Variants in PARD3B observed in about 807,000 individuals in gnomAD.
PARD3B encodes the protein partitioning defective 3 homolog B.
PARD3B carries 103 observed loss-of-function variants against 130.2 expected under a neutral mutation model. The observed-to-expected ratio is 0.79, with a 90% CI of 0.67 to 0.93. The LOEUF (loss-of-function observed/expected upper bound fraction) is 0.93, where lower values mean the gene tolerates loss of function less well. PARD3B is among the 40% of genes least tolerant of loss of function. PARD3B has a pLI of 0.00. For synonymous variants in PARD3B, 583 were observed against 553.2 expected, an observed-to-expected ratio of 1.05 and a Z score of -0.76; for missense variants, 1,609 against 1,499.2, an observed-to-expected ratio of 1.07 and a Z score of -1.21.
At chr2:204,815,636 A>G (rs2043117786) in intron 2 of PARD3B, among the ~76,000 whole-genome samples, 1 of 151,770 alleles carries the variant, frequency 6.6e-6, no homozygotes, top group African/African-American at 2.4e-5. Flanking sequence ...CTCTTATCTA[A>G]TATAGGCATT....
chr2:204,702,890 T>G (rs2037961782), intron 2 of PARD3B, among the ~76,000 whole-genome samples: 3 of 152,002 alleles, frequency 2.0e-5, no homozygotes, highest in South Asian at 2.1e-4. Flanking sequence ...GAGTTATTTG[T>G]TTTTTTTCTT....
In PARD3B at chr2:205,466,453, A is replaced by T. The variant is rs62171550; in HGVS notation, c.3044+25781A>T. Among the ~76,000 whole-genome samples, 142 of 152,144 alleles carry T rather than the reference A, an allele frequency of 9.3e-4. 1 individual carries two copies. The highest frequency in any genetic ancestry group is 1.7e-3 in the Non-Finnish European group (113 of 68,022). ...TGTCCATGCTTTGACCTCTTGCTGC[A>T]CCCAGAGAAATCTCTTGCACCTTAG... is the stretch of plus-strand genomic sequence containing the variant. On this transcript the variant is annotated intron_variant, in intron 20 of 22. Transcript: ENST00000406610.
chr2:204,612,467 T>C (rs1050561648), intron 1 of PARD3B, among the ~76,000 whole-genome samples: 2 of 152,214 alleles, frequency 1.3e-5, no homozygotes, highest in Admixed American at 6.5e-5. Context: ...AAAAATTGGA[T>C]GGGAAATTCT....
intron 18 of PARD3B, among the ~76,000 whole-genome samples, chr2:205,304,875 G>T (rs909639717): frequency 6.6e-6 from 1 of 152,196 alleles, no homozygotes; most frequent in African/African-American, 2.4e-5. Flanking sequence ...AGCCTGGGAG[G>T]TAGAGGATAC....
At chr2:204,878,241 A>C (rs933336502) in intron 2 of PARD3B, among the ~76,000 whole-genome samples, 10 of 151,916 alleles carry the variant, frequency 6.6e-5, no homozygotes, top group Admixed American at 3.9e-4. Flanking sequence ...GGACTGAAGA[A>C]ATTGCCTTTT....
chr2:205,470,161 T>C lies in PARD3B; in HGVS notation c.3044+29489T>C, dbSNP rs2048775844. On this transcript the variant is annotated intron_variant, in intron 20 of 22. Transcript: ENST00000406610. This position sits in a 1 kb window ranked among gnomAD's most constrained non-coding sequence, Gnocchi z 4.8. ...CATTTTTTTTCCAGTTCCAAAATTA[T>C]ATGGTTCTGCAATTCTTTAATGGAA... is the stretch of plus-strand genomic sequence containing the variant. Among the ~76,000 whole-genome samples the C allele has an allele frequency of 1.3e-5, 2 of 152,198 alleles. No individual in the cohort carries two copies. The highest frequency in any genetic ancestry group is 4.8e-5 in the African/African-American group (2 of 41,464).
intron 15 of PARD3B, among the ~76,000 whole-genome samples, chr2:205,235,301 A>G (rs1355042491): frequency 6.6e-6 from 1 of 152,128 alleles, no homozygotes; most frequent in African/African-American, 2.4e-5. Flanking sequence ...ATTTGCCTGT[A>G]GTCCTAGCTA....
At position 204,623,291 on chromosome 2, in the gene PARD3B, G is replaced by T. The variant is rs2125130444; in HGVS notation, c.121-62890G>T. Among the ~76,000 whole-genome samples, 1 of 152,076 alleles carries T rather than the reference G, an allele frequency of 6.6e-6. No homozygotes were observed. The highest frequency in any genetic ancestry group is 3.4e-3 in the Middle Eastern group (1 of 294). Reference sequence around the variant, plus strand: ...AACCAGCATAAAAATCAGAATATTGGCATCTGTATAAAATGTGAGTATAGC... The same window carrying T: ...AACCAGCATAAAAATCAGAATATTGTCATCTGTATAAAATGTGAGTATAGC... On this transcript the variant is annotated intron_variant, in intron 1 of 22. Transcript: ENST00000406610. The surrounding 1 kb of genome is among the most constrained non-coding windows in gnomAD (Gnocchi z 4.5).
intron 10 of PARD3B, among the ~76,000 whole-genome samples, chr2:205,149,154 C>T (rs1333045530): frequency 6.6e-6 from 1 of 152,094 alleles, no homozygotes; most frequent in Non-Finnish European, 1.5e-5. Context: ...ATCTTCCTTC[C>T]TCTCTTTCTT....
chr2:205,168,548 G>C (rs2034963255), intron 11 of PARD3B, among the ~76,000 whole-genome samples: 1 of 152,104 alleles, frequency 6.6e-6, no homozygotes, highest in Non-Finnish European at 1.5e-5. Context: ...AATTTTGAGA[G>C]AGATTTGATG....
chr2:205,010,095 AAAC>A (rs1695596102), intron 3 of PARD3B, among the ~76,000 whole-genome samples: 1 of 152,214 alleles, frequency 6.6e-6, no homozygotes, highest in Non-Finnish European at 1.5e-5. Context: ...AGGCAATTTT[AAAC>A]AACAATACTG....
chr2:205,285,378 A>G (rs2041354148), intron 16 of PARD3B, among the ~76,000 whole-genome samples: 1 of 152,158 alleles, frequency 6.6e-6, no homozygotes, highest in South Asian at 2.1e-4. Context: ...AGAGCAATTG[A>G]ATCCTAGCTA....
intron 1 of PARD3B, among the ~76,000 whole-genome samples, chr2:204,657,119 G>T (rs550222788): frequency 2.6e-5 from 4 of 152,142 alleles, no homozygotes; most frequent in Non-Finnish European, 5.9e-5. Context: ...TCCCACTGTC[G>T]TATCACTTTC....
intron 21 of PARD3B, among the ~76,000 whole-genome samples, chr2:205,548,618 G>A (rs992817922): frequency 2.0e-5 from 3 of 151,998 alleles, no homozygotes; most frequent in Admixed American, 6.6e-5. Flanking sequence ...TCAGACCTTT[G>A]CTGAACTCTC....
intron 19 of PARD3B, among the ~76,000 whole-genome samples, chr2:205,439,338 C>T (rs1035479160): frequency 3.3e-5 from 5 of 152,100 alleles, no homozygotes; most frequent in Admixed American, 6.5e-5. Flanking sequence ...GAGCCAGCAT[C>T]GTCTTATCTC....
intron 18 of PARD3B, among the ~76,000 whole-genome samples, chr2:205,342,293 A>G (rs1038407967): frequency 4.6e-5 from 7 of 152,228 alleles, no homozygotes; most frequent in Non-Finnish European, 7.4e-5. Context: ...TCTGTGGATT[A>G]GTTTCAATAA....
At chr2:205,101,554 A>G (rs891102293) in intron 4 of PARD3B, among the ~76,000 whole-genome samples, 3 of 152,206 alleles carry the variant, frequency 2.0e-5, no homozygotes, top group South Asian at 2.1e-4. Flanking sequence ...AACAGAAAGC[A>G]TATGTTCACA....
chr2:205,240,679 A>G (rs543016052), intron 15 of PARD3B, among the ~76,000 whole-genome samples: 2 of 152,314 alleles, frequency 1.3e-5, no homozygotes, highest in Admixed American at 1.3e-4. Context: ...TAAGAAGAGC[A>G]TCTGGGGCCC....
intron 1 of PARD3B, among the ~76,000 whole-genome samples, chr2:204,643,115 CAAAAAAAAAA>C (rs71029202): frequency 3.1e-5 from 1 of 31,826 alleles, no homozygotes; most frequent in African/African-American, 9.8e-5. Flanking sequence ...CTCTGTCTCA[CAAAAAAAAAA>C]AAAAAAAAAA....
Sources: gnomAD v4.1 joint callset for allele counts (sites outside exome capture counted in the v4.1 genomes callset) on GRCh38, gnomAD v4.1.1 for gene constraint, Gnocchi (gnomAD v3.1) non-coding constraint, MANE v1.5 for transcripts, NCBI Gene and HGNC (gene_info 2026-07-23, HGNC 2026-07-21) for gene names.